SLC9A9: variants seen among roughly 807,000 people sequenced by gnomAD.
SLC9A9 encodes the protein sodium/hydrogen exchanger 9.
Under a neutral mutation model 77.8 loss-of-function variants are expected in SLC9A9, and 62 were observed. That is an observed-to-expected ratio of 0.80 (90% CI 0.65 to 0.98). The LOEUF (loss-of-function observed/expected upper bound fraction) is 0.98. SLC9A9 is among the 50% of genes least tolerant of loss of function. The pLI is 0.00. For synonymous variants in SLC9A9, 320 were observed against 283.5 expected (o/e 1.13, Z -1.29); for missense variants, 775 against 774.9 (o/e 1.00, Z 0.00).
intron 4 of SLC9A9, among the ~76,000 whole-genome samples, chr3:143,700,431 G>A (rs1173729711): frequency 6.6e-6 from 1 of 152,192 alleles, no homozygotes; most frequent in African/African-American, 2.4e-5. Context: ...CCAGAGGGGA[G>A]GCTACTGCTC....
chr3:143,451,303 A>C (rs2035003437), intron 12 of SLC9A9, among the ~76,000 whole-genome samples: 1 of 152,196 alleles, frequency 6.6e-6, no homozygotes, highest in South Asian at 2.1e-4. Flanking sequence ...TCCCTGTCTT[A>C]AGCAGTTTCT....
chr3:143,795,021 G>A lies in SLC9A9; in HGVS notation c.513C>T (p.Ala171=). The change falls in exon 4 of 16, where the codon GCC becomes GCT. Residue 171 remains alanine, a synonymous_variant. Coordinates refer to ENST00000316549, the MANE Select transcript of SLC9A9 (RefSeq NM_173653.4). ...CTTACCCTATGACGATGCAGGAGAT[G>A]GCAGTTCCCAAGAAGGCATACGTTA... ...SILTYAFLGT[A]ISCIVIGLIM... 2.5e-6 allele frequency: 4 copies of A among 1,613,860 alleles called. No homozygotes were observed. Among genetic ancestry groups the A allele is most frequent in the Non-Finnish European group, 3.4e-6 (4 of 1,179,918 alleles).
At chr3:143,634,005 T>C (rs1399551476) in intron 6 of SLC9A9, among the ~76,000 whole-genome samples, 2 of 152,220 alleles carry the variant, frequency 1.3e-5, no homozygotes, top group Non-Finnish European at 2.9e-5. Context: ...GGGTTTCACA[T>C]TCTTTCCCTC....
chr3:143,778,017 A>T (rs1166236063), intron 4 of SLC9A9, among the ~76,000 whole-genome samples: 2 of 105,472 alleles, frequency 1.9e-5, no homozygotes, highest in Non-Finnish European at 3.9e-5. Flanking sequence ...CCGGCCCGTC[A>T]CTGATACTTT....
At chr3:143,702,872 G>T (rs981763517) in intron 4 of SLC9A9, among the ~76,000 whole-genome samples, 5 of 151,850 alleles carry the variant, frequency 3.3e-5, no homozygotes, top group African/African-American at 1.2e-4. Context: ...GAAAATAAAG[G>T]GATGGAAAAA....
At chr3:143,693,382 G>A (rs1933536817) in intron 4 of SLC9A9, 75 bp from the exon 5 acceptor site, 2 of 1,210,376 alleles carry the variant, frequency 1.7e-6, no homozygotes, top group Non-Finnish European at 2.5e-6. Flanking sequence ...TAAGCCACAT[G>A]CTAATGTTTT....
intron 14 of SLC9A9, among the ~76,000 whole-genome samples, chr3:143,336,505 G>A (rs1320371942): frequency 6.6e-6 from 1 of 152,134 alleles, no homozygotes; most frequent in Admixed American, 6.5e-5. Flanking sequence ...TCATCAGTGA[G>A]TAAATGGATA....
chr3:143,441,623 T>C (rs1377528664), intron 12 of SLC9A9, among the ~76,000 whole-genome samples: 2 of 147,640 alleles, frequency 1.4e-5, no homozygotes, highest in African/African-American at 4.9e-5. Flanking sequence ...TTTTTTTTTT[T>C]TCCAGAAGAA....
At chr3:143,584,688 T>C (rs953190531) in intron 6 of SLC9A9, among the ~76,000 whole-genome samples, 3 of 152,228 alleles carry the variant, frequency 2.0e-5, no homozygotes, top group Non-Finnish European at 4.4e-5. Flanking sequence ...ATGGATCTTT[T>C]TTCCAATCAC....
chr3:143,446,367 T>A (rs530302667), intron 12 of SLC9A9, among the ~76,000 whole-genome samples: 4 of 152,170 alleles, frequency 2.6e-5, no homozygotes, highest in African/African-American at 9.6e-5. Context: ...CTCTTACGAA[T>A]TGGAAAGATG....
At chr3:143,556,076 T>G (rs2036974774) in intron 8 of SLC9A9, among the ~76,000 whole-genome samples, 1 of 152,246 alleles carries the variant, frequency 6.6e-6, no homozygotes, top group Non-Finnish European at 1.5e-5. Context: ...ATCTATAAAA[T>G]TCTCCAACAC....
At position 143,363,494 on chromosome 3, in the gene SLC9A9, A is replaced by G. The variant is rs1400386532; in HGVS notation, c.1594T>C (p.Phe532Leu). 1.2e-6 allele frequency: 2 copies of G among 1,612,574 alleles called. No homozygotes were observed. Among genetic ancestry groups the G allele is most frequent in the Non-Finnish European group, 1.7e-6 (2 of 1,178,856 alleles). The change falls in exon 14 of 16, where the codon TTT (phenylalanine) becomes CTT (leucine). Residue 532 changes from phenylalanine to leucine, a missense_variant. Physicochemically the swap from Phe to Leu is conservative, Grantham distance 22. Transcript: ENST00000316549. ...ATTATCAAAGGATACTTGTGGTCAA[A>G]GCTATACCACATTCTGAAGAGCCGA... ...SARLFRMWYSFDHKYLKPILT... is the reference protein window; with the variant it reads ...SARLFRMWYSLDHKYLKPILT...
At chr3:143,696,833 A>G (rs1933655609) in intron 4 of SLC9A9, among the ~76,000 whole-genome samples, 1 of 152,174 alleles carries the variant, frequency 6.6e-6, no homozygotes, top group South Asian at 2.1e-4. Flanking sequence ...GCAGGGTTAC[A>G]TGGAAACTAG....
At chr3:143,397,724 C>T (rs988507388) in intron 12 of SLC9A9, among the ~76,000 whole-genome samples, 2 of 152,112 alleles carry the variant, frequency 1.3e-5, no homozygotes, top group Admixed American at 6.6e-5. Context: ...CAGGGTGAGT[C>T]TCCACATTGC....
intron 12 of SLC9A9, among the ~76,000 whole-genome samples, chr3:143,386,683 G>A (rs2033434657): frequency 6.6e-6 from 1 of 152,146 alleles, no homozygotes; most frequent in Admixed American, 6.5e-5. Flanking sequence ...AGCCCTCCTA[G>A]TCCTTGTTTC....
At chr3:143,661,774 C>T (rs752424665) in intron 5 of SLC9A9, among the ~76,000 whole-genome samples, 1 of 152,158 alleles carries the variant, frequency 6.6e-6, no homozygotes, top group Non-Finnish European at 1.5e-5. Flanking sequence ...ATCCACCCAC[C>T]TCAGCCTCCC....
At chr3:143,394,915 A>G (rs1373255049) in intron 12 of SLC9A9, among the ~76,000 whole-genome samples, 1 of 152,238 alleles carries the variant, frequency 6.6e-6, no homozygotes, top group Non-Finnish European at 1.5e-5. Context: ...CTCTTCAAGG[A>G]GAGCTACAAA....
chr3:143,757,631 G>T (rs895644341), intron 4 of SLC9A9, among the ~76,000 whole-genome samples: 1 of 152,080 alleles, frequency 6.6e-6, no homozygotes, highest in African/African-American at 2.4e-5. Flanking sequence ...TAAAAATGTC[G>T]CCTCTTCCAA....
intron 14 of SLC9A9, among the ~76,000 whole-genome samples, chr3:143,340,140 G>T (rs555582288): frequency 4.1e-4 from 62 of 152,312 alleles, no homozygotes; most frequent in African/African-American, 1.5e-3. Context: ...AGCACCCTGT[G>T]CTTTGTTGTC....
Sources: allele counts gnomAD v4.1 joint callset (sites outside exome capture counted in the v4.1 genomes callset), GRCh38; gene constraint gnomAD v4.1.1; transcripts MANE v1.5; gene names NCBI Gene and HGNC (gene_info 2026-07-23, HGNC 2026-07-21).